UTP20: variants seen among roughly 807,000 people sequenced by gnomAD.
The protein encoded by UTP20 is UTP20 small subunit processome component, also known as small subunit processome component 20 homolog.
Under a neutral mutation model 329.5 loss-of-function variants are expected in UTP20, and 164 were observed. That is an observed-to-expected ratio of 0.50 (90% CI 0.44 to 0.57). The LOEUF is 0.57. Ranked by LOEUF, UTP20 falls within the 20% of genes least tolerant of loss-of-function variation. The pLI is 0.00. For synonymous variants in UTP20, 1,151 were observed against 1,159.3 expected (o/e 0.99, Z 0.14); for missense variants, 3,055 against 3,284.2 (o/e 0.93, Z 1.71).
rs372292737 is a variant in UTP20, at chr12:101,333,341, G to A, written c.3458G>A (p.Arg1153His). ...RFINPLKNLRRLGIKMVTDIF... is the reference protein window; with the variant it reads ...RFINPLKNLRHLGIKMVTDIF... ...ATTAATCCATTGAAAAATTTAAGAC[G>A]TCTTGGAATCAAAATGGTAACTGAT... Residue 1153 changes from arginine (R) to histidine (H), a missense_variant, in exon 28 of 62, where the codon CGT becomes CAT. Coordinates refer to ENST00000261637, the MANE Select transcript of UTP20 (RefSeq NM_014503.3). 172 of 1,613,922 alleles carry A rather than the reference G, an allele frequency of 1.1e-4. 2 individuals carry two copies. Among genetic ancestry groups the A allele is most frequent in the South Asian group, 8.2e-4 (75 of 91,048 alleles).
intron 38 of UTP20, among the ~76,000 whole-genome samples, chr12:101,351,623 G>GT (rs1186091666): frequency 1.4e-5 from 2 of 147,166 alleles, no homozygotes; most frequent in Non-Finnish European, 3.0e-5. Context: ...GTGGTTTGCT[G>GT]TACCTACTAA....
chr12:101,382,347 G>A (rs774042426), intron 58 of UTP20, among the ~76,000 whole-genome samples: 8 of 149,930 alleles, frequency 5.3e-5, no homozygotes, highest in Non-Finnish European at 1.2e-4. Flanking sequence ...TCACTGAGCC[G>A]AGATCGCACC....
chr12:101,328,939 A>G (rs1185469855), intron 26 of UTP20, among the ~76,000 whole-genome samples: 1 of 151,958 alleles, frequency 6.6e-6, no homozygotes, highest in Non-Finnish European at 1.5e-5. Context: ...GGGATAGTGT[A>G]AAGAAATTGG....
intron 24 of UTP20, 108 bp downstream of exon 24, chr12:101,321,045 T>C (rs1868361727): frequency 1.0e-6 from 1 of 979,986 alleles, no homozygotes; most frequent in Non-Finnish European, 1.5e-6. Context: ...AAGTTTCCCT[T>C]TTTTCTGAGG....
intron 8 of UTP20, 140 bp from the exon 9 acceptor site, chr12:101,291,602 G>A (rs965100897): frequency 2.2e-5 from 14 of 650,600 alleles, no homozygotes; most frequent in South Asian, 8.2e-5. Flanking sequence ...AGCTGTTATC[G>A]TTAGTGAGTC....
intron 2 of UTP20, among the ~76,000 whole-genome samples, chr12:101,284,663 A>G (rs1327551794): frequency 2.0e-5 from 3 of 152,106 alleles, no homozygotes; most frequent in Admixed American, 6.6e-5. Flanking sequence ...TACATGTATG[A>G]TAATTTATTG....
At position 101,351,377 on chromosome 12, in the gene UTP20, G is replaced by A. The variant is rs555277972; in HGVS notation, c.4885-678G>A. Among the ~76,000 whole-genome samples the A allele has an allele frequency of 3.9e-5, 6 of 152,084 alleles. No individual in the cohort carries two copies. The East Asian group carries it at 9.7e-4, about 25-fold the overall frequency. The stretch of plus-strand genomic sequence containing the variant: ...CCTGACCTTGTGATCCACCAGCCTC[G>A]GCCTCCCAAAGTGCTGGGATTACAG... On this transcript the variant is annotated intron_variant, in intron 38 of 61. Coordinates refer to ENST00000261637, the MANE Select transcript of UTP20 (RefSeq NM_014503.3).
chr12:101,281,090 T>C (rs1410740759), intron 1 of UTP20, 26 bp from the exon 2 acceptor site: 3 of 1,559,050 alleles, frequency 1.9e-6, no homozygotes, highest in Admixed American at 3.4e-5. Flanking sequence ...ATTAATTATG[T>C]ATCTTAAATA....
chr12:101,290,270 G>A lies in UTP20; in HGVS notation c.731G>A (p.Gly244Asp), dbSNP rs1423572444. ...AGAAATATGTTTCACTCCTGTACAG[G>A]CCAGGTACATAATGGGGAGGGGTGC... ...GVRNMFHSCT[G>D]QAVKLILRKL... The change falls in exon 7 of 62, where the codon GGC (glycine) becomes GAC (aspartate). Residue 244 changes from glycine to aspartate, a missense_variant. This residue lies in a region of UTP20 where 2,445 missense variants were observed against 2,575.5 expected (regional missense o/e 0.95). Transcript: ENST00000261637. The A allele has an allele frequency of 4.4e-6, 7 of 1,593,686 alleles. No homozygotes were observed. The highest frequency in any genetic ancestry group is 1.2e-5 in the South Asian group (1 of 85,730).
chr12:101,346,073 T>C (rs1869312041), intron 37 of UTP20, among the ~76,000 whole-genome samples: 1 of 152,094 alleles, frequency 6.6e-6, no homozygotes, highest in African/African-American at 2.4e-5. Context: ...TTTTTTGAGA[T>C]GGAGTTTCGC....
intron 23 of UTP20, 54 bp from the exon 24 acceptor site, chr12:101,320,798 T>C (rs2137260068): frequency 6.8e-7 from 1 of 1,464,228 alleles, no homozygotes; most frequent in Non-Finnish European, 9.2e-7. Context: ...TAAATTGCTA[T>C]CCTATGGTAT....
At chr12:101,296,203 G>A (rs12300429) in intron 12 of UTP20, among the ~76,000 whole-genome samples, 1 of 152,124 alleles carries the variant, frequency 6.6e-6, no homozygotes. Flanking sequence ...ATCCTGTGTT[G>A]ATTTGTAACC....
At chr12:101,324,394 C>T (rs1249502290) in intron 25 of UTP20, among the ~76,000 whole-genome samples, 4 of 151,888 alleles carry the variant, frequency 2.6e-5, no homozygotes, top group Admixed American at 1.3e-4. Context: ...CGTGCCAAAA[C>T]GCCCAGTTAA....
In UTP20 at chr12:101,342,796, G is replaced by A. The variant is rs746040572; in HGVS notation, c.4255G>A (p.Asp1419Asn). Reference sequence around the variant, plus strand: ...TTTTCTTTCCTTTCAGACTCTTTCTGATTTTGAGAGTGGGTTAAAATATAT... The same window carrying A: ...TTTTCTTTCCTTTCAGACTCTTTCTAATTTTGAGAGTGGGTTAAAATATAT... ...LLCTVFETLS[D>N]FESGLKYITD... is the part of the protein sequence containing the mutation. The change falls in exon 34 of 62, where the codon GAT (aspartate) becomes AAT (asparagine). Residue 1419 changes from aspartate to asparagine, a missense_variant. This residue lies in a region of UTP20 where 2,445 missense variants were observed against 2,575.5 expected (regional missense o/e 0.95). Coordinates refer to ENST00000261637, the MANE Select transcript of UTP20 (RefSeq NM_014503.3). 6.2e-7 allele frequency: 1 copy of A among 1,613,268 alleles called. No individual in the cohort carries two copies. Among genetic ancestry groups the A allele is most frequent in the Non-Finnish European group, 8.5e-7 (1 of 1,179,598 alleles).
chr12:101,340,590 C>T lies in UTP20; in HGVS notation c.4081C>T (p.His1361Tyr). ...VLITLLLPFLHRGNIAEDTEV... is the reference protein window; with the variant it reads ...VLITLLLPFLYRGNIAEDTEV... ...CATTACGCTTCTCCTTCCATTCCTC[C>T]ACCGTGGCAATATTGCTGAGGTACA... The change falls in exon 32 of 62, where the codon CAC (histidine) becomes TAC (tyrosine). Residue 1361 changes from histidine (H) to tyrosine (Y), a missense_variant. Physicochemically the swap from His to Tyr is moderately conservative, Grantham distance 83. Transcript: ENST00000261637. 1 of 1,611,322 alleles carries T rather than the reference C, an allele frequency of 6.2e-7. No homozygotes were observed. Among genetic ancestry groups the T allele is most frequent in the Non-Finnish European group, 8.5e-7 (1 of 1,178,442 alleles).
chr12:101,336,522 G>C (rs1032783149), intron 29 of UTP20, among the ~76,000 whole-genome samples: 1 of 152,154 alleles, frequency 6.6e-6, no homozygotes, highest in African/African-American at 2.4e-5. Context: ...GTTGTAATAA[G>C]TAAGTCAAAA....
At position 101,285,560 on chromosome 12, in the gene UTP20, A is replaced by G; in HGVS notation, c.127-10A>G. On this transcript the variant is annotated splice_polypyrimidine_tract_variant and intron_variant, in intron 2 of 61. Coordinates refer to ENST00000261637, the MANE Select transcript of UTP20 (RefSeq NM_014503.3). The stretch of plus-strand genomic sequence containing the variant: ...GTTATTTGATTAATGGACTGCTTTA[A>G]TCTTGACAGGAGGTTGAAACCTACT... The G allele has an allele frequency of 6.2e-7, 1 of 1,613,442 alleles. No homozygotes were observed. Among genetic ancestry groups the G allele is most frequent in the Non-Finnish European group, 8.5e-7 (1 of 1,179,672 alleles).
chr12:101,282,334 G>A (rs1348105445), intron 2 of UTP20, among the ~76,000 whole-genome samples: 1 of 152,192 alleles, frequency 6.6e-6, no homozygotes, highest in Non-Finnish European at 1.5e-5. Context: ...TTTTAGCATG[G>A]TAAAGAGGAC....
In UTP20 at chr12:101,321,544, G is replaced by A; in HGVS notation, c.2956G>A (p.Glu986Lys). The part of the protein sequence containing the change: ...QRLLEDRSFK[E>K]EIVHFSISED... ...GTTGCTTGAAGACAGAAGCTTTAAGGAAGAGATAGTGCATTTTAGCATTTC... is the reference window on the plus strand; with the variant it reads ...GTTGCTTGAAGACAGAAGCTTTAAGAAAGAGATAGTGCATTTTAGCATTTC... The change falls in exon 25 of 62, where the codon GAA becomes AAA. Residue 986 changes from glutamate to lysine, a missense_variant. Transcript: ENST00000261637. 6.2e-7 allele frequency: 1 copy of A among 1,613,534 alleles called. No homozygotes were observed. The highest frequency in any genetic ancestry group is 1.1e-5 in the South Asian group (1 of 91,064).
Sources: gnomAD v4.1 joint callset for allele counts (sites outside exome capture counted in the v4.1 genomes callset) on GRCh38, gnomAD v4.1.1 for gene constraint, gnomAD v4.1.1 regional missense constraint, MANE v1.5 for transcripts, NCBI Gene and HGNC (gene_info 2026-07-23, HGNC 2026-07-21) for gene names.